TSPAN15: variants seen among roughly 807,000 people sequenced by gnomAD.
TSPAN15 encodes the protein tetraspanin 15, also known as tetraspanin-15.
Under a neutral mutation model 34.5 loss-of-function variants are expected in TSPAN15, and 20 were observed. That is an observed-to-expected ratio of 0.58 (90% CI 0.41 to 0.84). The LOEUF is 0.84. TSPAN15 is among the 40% of genes least tolerant of loss of function. The probability of loss-of-function intolerance (pLI) is 0.00; values close to 1 mark genes in which losing one functional copy is unlikely to be tolerated. For synonymous variants in TSPAN15, 155 were observed against 153.9 expected, an observed-to-expected ratio of 1.01 and a Z score of -0.05; for missense variants, 313 against 386.1, an observed-to-expected ratio of 0.81 and a Z score of 1.59.
the TSPAN15 span, among the ~76,000 whole-genome samples, chr10:69,530,397 C>T: frequency 6.8e-6 from 1 of 147,774 alleles, no homozygotes; most frequent in African/African-American, 2.5e-5. Context: ...CATTGCTAGC[C>T]ACTTTATAAA....
the TSPAN15 span, chr10:69,523,576 T>A: frequency 2.0e-5 from 6 of 307,562 alleles, no homozygotes; most frequent in Non-Finnish European, 3.7e-5. Context: ...ATGTACCCGA[T>A]AGGAAGCCAA....
intron 5 of TSPAN15, among the ~76,000 whole-genome samples, chr10:69,501,625 TA>T (rs1334263056): frequency 6.6e-6 from 1 of 152,214 alleles, no homozygotes; most frequent in Non-Finnish European, 1.5e-5. Flanking sequence ...GAGAAAAATA[TA>T]AAATCCTGCT....
chr10:69,486,804 T>G (rs888547281), intron 3 of TSPAN15, among the ~76,000 whole-genome samples: 1 of 152,206 alleles, frequency 6.6e-6, no homozygotes, highest in Admixed American at 6.5e-5. Flanking sequence ...CACAGGCAAG[T>G]CTACAAACCT....
chr10:69,492,684 TG>T (rs1309143457), intron 3 of TSPAN15, among the ~76,000 whole-genome samples: 2 of 152,178 alleles, frequency 1.3e-5, no homozygotes, highest in Admixed American at 6.5e-5. Flanking sequence ...GGAGGCAGGC[TG>T]GGGCTGCTCA....
At chr10:69,516,551 G>T in the TSPAN15 span, among the ~76,000 whole-genome samples, 2 of 152,180 alleles carry the variant, frequency 1.3e-5, no homozygotes, top group Non-Finnish European at 2.9e-5. Flanking sequence ...GAGTACTAGG[G>T]CTCTGGAGGG....
the TSPAN15 span, among the ~76,000 whole-genome samples, chr10:69,528,236 C>T: frequency 6.7e-6 from 1 of 148,574 alleles, no homozygotes; most frequent in African/African-American, 2.4e-5. Context: ...GGCAGGCGCA[C>T]TGCAAGCAGC....
At chr10:69,517,328 C>CT in the TSPAN15 span, among the ~76,000 whole-genome samples, 2 of 152,222 alleles carry the variant, frequency 1.3e-5, no homozygotes, top group Non-Finnish European at 2.9e-5. Flanking sequence ...TAAGCCTGCG[C>CT]TTGAGGCAGT....
chr10:69,464,535 G>A (rs1841340661), intron 1 of TSPAN15, among the ~76,000 whole-genome samples: 1 of 152,242 alleles, frequency 6.6e-6, no homozygotes, highest in Non-Finnish European at 1.5e-5. Flanking sequence ...ACCGGGGAAG[G>A]TGGATGCGAG....
In TSPAN15 at chr10:69,494,138, C is replaced by T. The variant is rs1277973050; in HGVS notation, c.358-1456C>T. On this transcript the variant is annotated intron_variant, in intron 3 of 7. Transcript: ENST00000373290. ...GTGTGCTGGGCAACCTCGGACTAGC[C>T]ACATCGCTCTCTGGGCTGCAGGGTG... is the stretch of plus-strand genomic sequence containing the variant. 2.0e-5 allele frequency among the ~76,000 whole-genome samples: 3 copies of T among 152,134 alleles called. No individual in the cohort carries two copies. In the East Asian group the frequency reaches 5.8e-4, roughly 29 times the overall value.
At chr10:69,518,920 A>G in the TSPAN15 span, among the ~76,000 whole-genome samples, 3 of 152,240 alleles carry the variant, frequency 2.0e-5, no homozygotes, top group Admixed American at 6.5e-5. Context: ...CACTGCCCAC[A>G]GATGAGCCCT....
downstream of TSPAN15, among the ~76,000 whole-genome samples, chr10:69,511,638 T>A (rs1418341048): frequency 2.6e-5 from 4 of 152,240 alleles, no homozygotes; most frequent in Non-Finnish European, 4.4e-5. Flanking sequence ...TTGTTCTTGC[T>A]TCTCTAGTTC....
intron 1 of TSPAN15, among the ~76,000 whole-genome samples, chr10:69,468,489 C>G (rs1043187379): frequency 2.0e-5 from 3 of 151,086 alleles, no homozygotes; most frequent in African/African-American, 7.3e-5. Context: ...TCAATACTTT[C>G]TGTATCAAGC....
the TSPAN15 span, among the ~76,000 whole-genome samples, chr10:69,520,672 AAAAATCCAT>A: frequency 6.6e-6 from 1 of 152,220 alleles, no homozygotes. Flanking sequence ...AAACAAACAA[AAAAATCCAT>A]TGTATGCATA....
chr10:69,453,027 C>A (rs1841008484), intron 1 of TSPAN15, among the ~76,000 whole-genome samples: 1 of 152,194 alleles, frequency 6.6e-6, no homozygotes, highest in Non-Finnish European at 1.5e-5. Flanking sequence ...AAGTCACTTT[C>A]CTGTTTTGGG....
chr10:69,519,279 C>T, the TSPAN15 span, among the ~76,000 whole-genome samples: 280 of 152,016 alleles, frequency 1.8e-3, no homozygotes, highest in African/African-American at 6.6e-3. Context: ...AACTATCTGG[C>T]CGTGGTGGGG....
the TSPAN15 span, among the ~76,000 whole-genome samples, chr10:69,548,484 A>G: frequency 6.6e-6 from 1 of 152,250 alleles, no homozygotes; most frequent in Non-Finnish European, 1.5e-5. Context: ...CAGTTTTCAG[A>G]CAATGGACTG....
chr10:69,515,726 C>G, the TSPAN15 span, among the ~76,000 whole-genome samples: 1 of 152,188 alleles, frequency 6.6e-6, no homozygotes, highest in Admixed American at 6.5e-5. Flanking sequence ...TTGGAGGGAG[C>G]CTGATTTGCA....
chr10:69,522,194 A>G, the TSPAN15 span, among the ~76,000 whole-genome samples: 2 of 146,128 alleles, frequency 1.4e-5, no homozygotes, highest in African/African-American at 2.5e-5. Flanking sequence ...CCCTGTCTCT[A>G]CTAAAAATAC....
chr10:69,455,206 C>T (rs1354683244), intron 1 of TSPAN15, among the ~76,000 whole-genome samples: 3 of 151,542 alleles, frequency 2.0e-5, no homozygotes, highest in African/African-American at 4.9e-5. Flanking sequence ...TCCCCTCCTA[C>T]CCCTCTCTCC....
Sources: allele counts gnomAD v4.1 joint callset (sites outside exome capture counted in the v4.1 genomes callset), GRCh38; gene constraint gnomAD v4.1.1; transcripts MANE v1.5; gene names NCBI Gene and HGNC (gene_info 2026-07-23, HGNC 2026-07-21).